Variants in TEAD1 observed in about 807,000 individuals in gnomAD.
TEAD1 encodes TEA domain transcription factor 1.
In TEAD1, 9 loss-of-function variants were observed where a neutral mutation model predicts 54.9. That is an observed-to-expected ratio of 0.16 (90% CI 0.10 to 0.29). The LOEUF is 0.29. TEAD1 is among the 10% of genes least tolerant of loss of function. The pLI is 1.00. For missense variants in TEAD1, 387 were observed against 535.9 expected, an observed-to-expected ratio of 0.72 and a Z score of 2.74; for synonymous variants, 200 against 187.8, an observed-to-expected ratio of 1.07 and a Z score of -0.53.
intron 2 of TEAD1, among the ~76,000 whole-genome samples, chr11:12,738,842 A>G (rs1465754579): frequency 1.3e-5 from 2 of 152,180 alleles, no homozygotes; most frequent in African/African-American, 4.8e-5. Context: ...ATGTGTGCCA[A>G]GCCAGGTCCT....
chr11:12,713,799 G>A lies in TEAD1; in HGVS notation c.-55+38238G>A, dbSNP rs184102189. 2.1e-4 allele frequency among the ~76,000 whole-genome samples: 32 copies of A among 152,286 alleles called. No homozygotes were observed. In the East Asian group the frequency reaches 5.6e-3, roughly 27 times the overall value. On this transcript the variant is annotated intron_variant, in intron 2 of 12. Coordinates refer to ENST00000527636, the MANE Select transcript of TEAD1 (RefSeq NM_021961.6). ...CCTTTTCCACTCCGCCGTCCTTTGC[G>A]TGTCAGCTCTCTCCTCTCATGTTCA...
At chr11:12,827,746 A>G (rs1252868804) in intron 3 of TEAD1, among the ~76,000 whole-genome samples, 2 of 152,188 alleles carry the variant, frequency 1.3e-5, no homozygotes, top group Non-Finnish European at 2.9e-5. Context: ...AGGAAGTGAG[A>G]CATCTTTTGA....
chr11:12,758,450 G>A (rs1286131441), intron 2 of TEAD1, among the ~76,000 whole-genome samples: 7 of 132,606 alleles, frequency 5.3e-5, no homozygotes, highest in South Asian at 4.7e-4. Context: ...TCACTCTGTC[G>A]CCTAGGCTGG....
intron 3 of TEAD1, among the ~76,000 whole-genome samples, chr11:12,794,673 C>T (rs933370090): frequency 3.3e-5 from 5 of 152,162 alleles, no homozygotes; most frequent in Non-Finnish European, 5.9e-5. Flanking sequence ...TGTGGCGAGC[C>T]GGGCCTGTAA....
At chr11:12,723,212 C>T (rs753983332) in intron 2 of TEAD1, among the ~76,000 whole-genome samples, 1 of 152,196 alleles carries the variant, frequency 6.6e-6, no homozygotes, top group Non-Finnish European at 1.5e-5. Flanking sequence ...TTGGCTTGCA[C>T]TAGATAGTAT....
Position 12,866,717 on chromosome 11 carries a change from C to T in TEAD1, c.330+1817C>T, listed in dbSNP as rs192199640. On this transcript the variant is annotated intron_variant, in intron 5 of 12. Coordinates refer to ENST00000527636, the MANE Select transcript of TEAD1 (RefSeq NM_021961.6). Reference sequence around the variant, plus strand: ...GCATTTAAGCTCCAAGAACCACCTCCGTCTTCTTGTAGTTTCTTCCGTTCT... The same window carrying T: ...GCATTTAAGCTCCAAGAACCACCTCTGTCTTCTTGTAGTTTCTTCCGTTCT... Among the ~76,000 whole-genome samples, 35 of 152,320 alleles carry T rather than the reference C, an allele frequency of 2.3e-4. No homozygotes were observed. In the East Asian group the frequency reaches 6.0e-3, roughly 26 times the overall value.
At chr11:12,884,109 ACTTTCTT>A in intron 9 of TEAD1, among the ~76,000 whole-genome samples, 1 of 151,974 alleles carries the variant, frequency 6.6e-6, no homozygotes, top group Non-Finnish European at 1.5e-5. Context: ...TCTATTTGTC[ACTTTCTT>A]CTTTCCTACC....
At chr11:12,881,257 C>T (rs889942431) in intron 7 of TEAD1, among the ~76,000 whole-genome samples, 2 of 152,226 alleles carry the variant, frequency 1.3e-5, no homozygotes, top group African/African-American at 2.4e-5. Flanking sequence ...GGTGGAAGCA[C>T]CCCATTCCCA....
Position 12,880,900 on chromosome 11 carries a change from T to A in TEAD1, c.466-105T>A, listed in dbSNP as rs925066619. The A allele has an allele frequency of 7.1e-6, 9 of 1,267,798 alleles. No individual in the cohort carries two copies. The Admixed American group carries it at 1.5e-4, about 21-fold the overall frequency. The allele number at this position is 1,267,798 out of a possible 1,614,324, so 78.5% of individuals were successfully genotyped here. ...ACTCTGGGAAAGCGATTCTGTTGGG[T>A]GATCGAACCTGCTGTCTTTTAGCAG... On this transcript the variant is annotated intron_variant, in intron 6 of 12. Coordinates refer to ENST00000527636, the MANE Select transcript of TEAD1 (RefSeq NM_021961.6).
At chr11:12,693,240 G>A (rs185911824) in intron 2 of TEAD1, among the ~76,000 whole-genome samples, 472 of 152,334 alleles carry the variant, frequency 3.1e-3, no homozygotes, top group African/African-American at 0.011. Context: ...GTGTGCATGC[G>A]CACAGTAAAG....
intron 3 of TEAD1, among the ~76,000 whole-genome samples, chr11:12,771,513 T>G (rs1237783408): frequency 6.6e-6 from 1 of 152,196 alleles, no homozygotes; most frequent in Non-Finnish European, 1.5e-5. Context: ...TGATTTCAGG[T>G]TCCACTTCTG....
intron 2 of TEAD1, among the ~76,000 whole-genome samples, chr11:12,748,666 A>G (rs1026458892): frequency 6.6e-6 from 1 of 152,072 alleles, no homozygotes; most frequent in Non-Finnish European, 1.5e-5. Flanking sequence ...TAAAGCTGGG[A>G]ATCTCTATGT....
intron 10 of TEAD1, among the ~76,000 whole-genome samples, chr11:12,908,472 T>C (rs1948557264): frequency 6.6e-6 from 1 of 152,370 alleles, no homozygotes; most frequent in East Asian, 1.9e-4. Context: ...CCTGCCATGC[T>C]TCCTGTCTTG....
chr11:12,835,170 G>T (rs775024857), intron 3 of TEAD1, among the ~76,000 whole-genome samples: 3 of 151,866 alleles, frequency 2.0e-5, no homozygotes, highest in Non-Finnish European at 1.5e-5. Context: ...AACCTTGTTG[G>T]TTTTTTTTAG....
At chr11:12,806,394 C>T (rs534040738) in intron 3 of TEAD1, among the ~76,000 whole-genome samples, 17 of 152,332 alleles carry the variant, frequency 1.1e-4, no homozygotes, top group African/African-American at 3.8e-4. Flanking sequence ...GGGAAGTGGC[C>T]TACACAGACC....
chr11:12,919,192 C>A (rs1185363742), intron 10 of TEAD1, among the ~76,000 whole-genome samples: 1 of 152,086 alleles, frequency 6.6e-6, no homozygotes, highest in Non-Finnish European at 1.5e-5. Flanking sequence ...GTTGGGTATT[C>A]TTTAATAACT....
At chr11:12,877,657 C>T (rs1947878754) in intron 5 of TEAD1, among the ~76,000 whole-genome samples, 1 of 146,720 alleles carries the variant, frequency 6.8e-6, no homozygotes, top group African/African-American at 2.7e-5. Flanking sequence ...GAAACTCCAT[C>T]TCAAAAAAAA....
intron 3 of TEAD1, among the ~76,000 whole-genome samples, chr11:12,775,796 C>A (rs1378479212): frequency 6.6e-6 from 1 of 152,086 alleles, no homozygotes; most frequent in Non-Finnish European, 1.5e-5. Flanking sequence ...GGGATTTTTT[C>A]AATCGCAAAC....
At chr11:12,796,886 C>A (rs561569684) in intron 3 of TEAD1, among the ~76,000 whole-genome samples, 2 of 151,984 alleles carry the variant, frequency 1.3e-5, no homozygotes, top group Non-Finnish European at 2.9e-5. Flanking sequence ...CCGAGGTGGG[C>A]GGATCACGAG....
Sources: gnomAD v4.1 joint callset for allele counts (sites outside exome capture counted in the v4.1 genomes callset) on GRCh38, gnomAD v4.1.1 for gene constraint, MANE v1.5 for transcripts, NCBI Gene and HGNC (gene_info 2026-07-23, HGNC 2026-07-21) for gene names.